SCN1B: variants seen among roughly 807,000 people sequenced by gnomAD.
SCN1B encodes sodium voltage-gated channel beta subunit 1, also known as sodium channel regulatory subunit beta-1.
Under a neutral mutation model 25.7 loss-of-function variants are expected in SCN1B, and 11 were observed. The observed-to-expected ratio is 0.43, with a 90% CI of 0.27 to 0.71. The LOEUF is 0.71. Ranked by LOEUF, SCN1B falls within the 30% of genes least tolerant of loss-of-function variation. SCN1B has a pLI of 0.21. For missense variants in SCN1B, 224 were observed against 291.5 expected (o/e 0.77, Z 1.69); for synonymous variants, 119 against 117.5 (o/e 1.01, Z -0.08).
intron 3 of SCN1B, 174 bp downstream of exon 3, chr19:35,033,913 C>T: frequency 6.3e-7 from 1 of 1,575,808 alleles, no homozygotes; most frequent in South Asian, 1.1e-5. Flanking sequence ...GCTCTGGCCT[C>T]TGTTTCTCTC....
Position 35,032,891 on chromosome 19 carries a change from C to T in SCN1B, c.207+197C>T, listed in dbSNP as rs940688695. Reference sequence around the variant, plus strand: ...AGCCTCTCTGAAAGTCAGTTTCCTCCTCGGTAAAGACGGGGTGGCGGTGGT... The same window carrying T: ...AGCCTCTCTGAAAGTCAGTTTCCTCTTCGGTAAAGACGGGGTGGCGGTGGT... On this transcript the variant is annotated intron_variant, in intron 2 of 5. Transcript: ENST00000262631. The surrounding 1 kb of genome is among the most constrained non-coding windows in gnomAD (Gnocchi z 4.3). Among the ~76,000 whole-genome samples, 1 of 152,166 alleles carries T rather than the reference C, an allele frequency of 6.6e-6. No individual in the cohort carries two copies. The highest frequency in any genetic ancestry group is 2.1e-4 in the South Asian group (1 of 4,824).
At chr19:35,036,824 C>T (rs1367392210) in intron 3 of SCN1B, 2 of 151,852 alleles carry the variant, frequency 1.3e-5, no homozygotes, top group East Asian at 3.9e-4. Flanking sequence ...GATCTTGGCT[C>T]ACTGCAGCCT....
In SCN1B at chr19:35,039,760, C is replaced by A; in HGVS notation, c.*6-37C>A. 1.9e-6 allele frequency: 3 copies of A among 1,564,170 alleles called. No homozygotes were observed. The South Asian group carries it at 3.3e-5, about 17-fold the overall frequency. ...GGGGATTGGGAGGGGCCGAAGTCCC[C>A]CAGGTCCCTAATTCCCCCTCTCTTG... On this transcript the variant is annotated intron_variant, in intron 5 of 5. Transcript: ENST00000262631.
rs762523720 is a variant in SCN1B at position 35,034,022 on chromosome 19, TTCTG to T, written c.448+287_448+290del. 1.3e-6 allele frequency: 2 copies of T among 1,549,250 alleles called. No individual in the cohort carries two copies. Among genetic ancestry groups the T allele is most frequent in the Admixed American group, 2.0e-5 (1 of 50,984 alleles). ...TGCTGTATGACCTCTGGCAGGTGCCTTCTGTCTCTGAGCCAAAGGGTTGTCCTGG... is the reference window on the plus strand; with the variant it reads ...TGCTGTATGACCTCTGGCAGGTGCCTTCTCTGAGCCAAAGGGTTGTCCTGG... On this transcript the variant is annotated intron_variant, in intron 3 of 5. Coordinates refer to ENST00000262631, the MANE Select transcript of SCN1B (RefSeq NM_001037.5).
At position 35,033,693 on chromosome 19, in the gene SCN1B, C is replaced by T. The variant is rs764919566; in HGVS notation, c.402C>T (p.His134=). The part of the protein sequence containing the change: ...YRLLFFENYE[H]NTSVVKKIHI... ...TGCTCTTCTTCGAAAACTACGAGCACAACACCAGCGTCGTCAAGAAGATCC... is the reference window on the plus strand; with the variant it reads ...TGCTCTTCTTCGAAAACTACGAGCATAACACCAGCGTCGTCAAGAAGATCC... Residue 134 remains histidine (H), a synonymous_variant, in exon 3 of 6, where the codon CAC becomes CAT. Coordinates refer to ENST00000262631, the MANE Select transcript of SCN1B (RefSeq NM_001037.5). The T allele has an allele frequency of 6.2e-7, 1 of 1,614,210 alleles. No individual in the cohort carries two copies. Among genetic ancestry groups the T allele is most frequent in the Admixed American group, 1.7e-5 (1 of 60,030 alleles).
intron 3 of SCN1B, chr19:35,037,732 G>C (rs2064257339): frequency 6.7e-6 from 1 of 150,160 alleles, no homozygotes; most frequent in South Asian, 2.1e-4. Flanking sequence ...GATTTCTTGA[G>C]GCCAGGAATT....
At chr19:35,033,961 A>G in intron 3 of SCN1B, 1 of 1,552,720 alleles carries the variant, frequency 6.4e-7, no homozygotes, top group Non-Finnish European at 8.7e-7. Context: ...TGTCCCCCAC[A>G]GACGCTCCGG....
chr19:35,036,737 A>G (rs2064250427), intron 3 of SCN1B: 1 of 107,048 alleles, frequency 9.3e-6, no homozygotes, highest in South Asian at 2.7e-4. Context: ...CCAGCCTATT[A>G]TTATTATTAT....
chr19:35,032,475 A>G lies in SCN1B; in HGVS notation c.41-53A>G, dbSNP rs2064219840. The stretch of plus-strand genomic sequence containing the variant: ...ACAGATGGTTTGTGAGGGGTCTGGC[A>G]TTGCTTAGGGCAATGGGTGCCTCTG... On this transcript the variant is annotated intron_variant, in intron 1 of 5. Transcript: ENST00000262631. The surrounding 1 kb of genome is among the most constrained non-coding windows in gnomAD (Gnocchi z 4.3). The G allele has an allele frequency of 1.7e-5, 27 of 1,605,426 alleles. No individual in the cohort carries two copies. The highest frequency in any genetic ancestry group is 2.2e-5 in the Non-Finnish European group (26 of 1,176,850).
chr19:35,035,054 A>G (rs1268031767), intron 3 of SCN1B: 1 of 152,218 alleles, frequency 6.6e-6, no homozygotes, highest in African/African-American at 2.4e-5. Context: ...GACATGGATG[A>G]TGGAGCCCCG....
In SCN1B at chr19:35,032,782, G is replaced by A. The variant is rs1243648493; in HGVS notation, c.207+88G>A. 1 of 1,453,498 alleles carries A rather than the reference G, an allele frequency of 6.9e-7. No homozygotes were observed. The highest frequency in any genetic ancestry group is 1.4e-5 in the African/African-American group (1 of 71,790). 90.0% of individuals were successfully genotyped at this position (1,453,498 alleles called of 1,614,324 possible). A position where few individuals can be genotyped will look rare whatever the true frequency, so the allele number is the denominator to read the frequency against. On this transcript the variant is annotated intron_variant, in intron 2 of 5. Transcript: ENST00000262631. This position sits in a 1 kb window ranked among gnomAD's most constrained non-coding sequence, Gnocchi z 4.3. ...TGGATCTCAGGGAGGGGGCTTATTT[G>A]TTTAATAATATGCTGTGATTGCTGA...
intron 4 of SCN1B, 78 bp from the exon 5 acceptor site, chr19:35,039,557 C>T (rs1343309562): frequency 1.4e-6 from 2 of 1,447,538 alleles, no homozygotes; most frequent in Non-Finnish European, 9.7e-7. Flanking sequence ...GGGGTGGAGA[C>T]CGCTACCTTC....
At chr19:35,034,216 G>A in intron 3 of SCN1B, 1 of 1,497,788 alleles carries the variant, frequency 6.7e-7, no homozygotes, top group Non-Finnish European at 9.0e-7. Flanking sequence ...GAGTAGCTCA[G>A]CCCTGCTGCC....
Position 35,032,487 on chromosome 19 carries a change from A to G in SCN1B, c.41-41A>G. On this transcript the variant is annotated intron_variant, in intron 1 of 5. Coordinates refer to ENST00000262631, the MANE Select transcript of SCN1B (RefSeq NM_001037.5). This position sits in a 1 kb window ranked among gnomAD's most constrained non-coding sequence, Gnocchi z 4.3. ...TGAGGGGTCTGGCATTGCTTAGGGC[A>G]ATGGGTGCCTCTGCCTGACCTGAGC... 1 of 1,610,452 alleles carries G rather than the reference A, an allele frequency of 6.2e-7. No individual in the cohort carries two copies. Among genetic ancestry groups the G allele is most frequent in the Non-Finnish European group, 8.5e-7 (1 of 1,179,526 alleles).
rs534330535 is a variant in SCN1B, at chr19:35,032,772, G to A, written c.207+78G>A. On this transcript the variant is annotated intron_variant, in intron 2 of 5. Transcript: ENST00000262631. The surrounding 1 kb of genome is among the most constrained non-coding windows in gnomAD (Gnocchi z 4.3). Reference sequence around the variant, plus strand: ...GCGGTGGGGCTGGATCTCAGGGAGGGGGCTTATTTGTTTAATAATATGCTG... The same window carrying A: ...GCGGTGGGGCTGGATCTCAGGGAGGAGGCTTATTTGTTTAATAATATGCTG... 34 of 1,509,254 alleles carry A rather than the reference G, an allele frequency of 2.3e-5. No individual in the cohort carries two copies. The Admixed American group carries it at 3.9e-4, about 17-fold the overall frequency. The allele number at this position is 1,509,254 out of a possible 1,614,324, so 93.5% of individuals were successfully genotyped here.
At chr19:35,039,035 C>T in intron 3 of SCN1B, 82 bp from the exon 4 acceptor site, 2 of 1,535,062 alleles carry the variant, frequency 1.3e-6, no homozygotes, top group Admixed American at 3.3e-5. Flanking sequence ...GCCACTCATC[C>T]AAGCTCACAC....
At position 35,032,829 on chromosome 19, in the gene SCN1B, C is replaced by G; in HGVS notation, c.207+135C>G. The G allele has an allele frequency of 9.2e-7, 1 of 1,084,246 alleles. No homozygotes were observed. Among genetic ancestry groups the G allele is most frequent in the Non-Finnish European group, 1.3e-6 (1 of 743,250 alleles). 67.2% of individuals were successfully genotyped at this position (1,084,246 alleles called of 1,614,324 possible). On this transcript the variant is annotated intron_variant, in intron 2 of 5. Coordinates refer to ENST00000262631, the MANE Select transcript of SCN1B (RefSeq NM_001037.5). This position sits in a 1 kb window ranked among gnomAD's most constrained non-coding sequence, Gnocchi z 4.3. ...CTGACCTGGATTCAGATTCTGGCTC[C>G]ACCAGTGGCCAGCTGGTGACCTTGG...
chr19:35,031,912 G>C (rs919724433), intron 1 of SCN1B: 5 of 162,566 alleles, frequency 3.1e-5, no homozygotes. Context: ...GAGGAGCCTG[G>C]GGAAGAGGGG....
rs112564234 is a variant in SCN1B at position 35,039,638 on chromosome 19, G to A, written c.594G>A (p.Ser198=). 2.5e-5 allele frequency: 40 copies of A among 1,614,054 alleles called. No homozygotes were observed. The highest frequency in any genetic ancestry group is 9.3e-5 in the African/African-American group (7 of 74,920). ...ATACCTGGCCTTTCCCCCACAGCTC[G>A]GAATACCTGGCCATCACCTCTGAAA... ...ATETAAQENA[S]EYLAITSESK... is the part of the protein sequence containing the mutation. Residue 198 remains serine, a synonymous_variant, in exon 5 of 6, where the codon TCG becomes TCA. Coordinates refer to ENST00000262631, the MANE Select transcript of SCN1B (RefSeq NM_001037.5).
Sources: gnomAD v4.1 joint callset for allele counts (sites outside exome capture counted in the v4.1 genomes callset) on GRCh38, gnomAD v4.1.1 for gene constraint, Gnocchi (gnomAD v3.1) non-coding constraint, MANE v1.5 for transcripts, NCBI Gene and HGNC (gene_info 2026-07-23, HGNC 2026-07-21) for gene names.